GUCY1A1: variants seen among roughly 807,000 people sequenced by gnomAD.
GUCY1A1 encodes the protein guanylate cyclase 1 soluble subunit alpha 1.
GUCY1A1 carries 48 observed loss-of-function variants against 64.5 expected under a neutral mutation model. The observed-to-expected ratio is 0.74, with a 90% CI of 0.59 to 0.95. GUCY1A1 has a LOEUF of 0.95. Ranked by LOEUF, GUCY1A1 falls within the 40% of genes least tolerant of loss-of-function variation. The pLI is 0.00. For synonymous variants in GUCY1A1, 308 were observed against 303.4 expected (o/e 1.02, Z -0.16); for missense variants, 804 against 825.3 (o/e 0.97, Z 0.32).
intron 3 of GUCY1A1, among the ~76,000 whole-genome samples, chr4:155,703,239 A>G (rs1209770847): frequency 1.3e-5 from 2 of 152,200 alleles, no homozygotes; most frequent in African/African-American, 2.4e-5. Context: ...ATAAAAGAAA[A>G]TAAAACCATA....
intron 4 of GUCY1A1, among the ~76,000 whole-genome samples, chr4:155,704,720 T>C (rs1010700691): frequency 2.6e-5 from 4 of 152,090 alleles, no homozygotes; most frequent in Admixed American, 2.6e-4. Flanking sequence ...ACTTTTTATT[T>C]TTTATTTTTT....
Position 155,722,098 on chromosome 4 carries a change from C to T in GUCY1A1, c.1777C>T (p.Arg593Cys), listed in dbSNP as rs377038861. 71 of 1,613,470 alleles carry T rather than the reference C, an allele frequency of 4.4e-5. No homozygotes were observed. The highest frequency in any genetic ancestry group is 5.6e-5 in the Non-Finnish European group (66 of 1,179,692). Residue 593 changes from arginine (R) to cysteine (C), a missense_variant, in exon 9 of 10, where the codon CGT (arginine) becomes TGT (cysteine). Coordinates refer to ENST00000506455, the MANE Select transcript of GUCY1A1 (RefSeq NM_001130682.3). ...TGGCGTCGTTGGAGTTAAAATGCCCCGTTACTGTCTTTTTGGAAACAATGT... is the reference window on the plus strand; with the variant it reads ...TGGCGTCGTTGGAGTTAAAATGCCCTGTTACTGTCTTTTTGGAAACAATGT... ...FAGVVGVKMPRYCLFGNNVTL... is the reference protein window; with the variant it reads ...FAGVVGVKMPCYCLFGNNVTL...
At chr4:155,679,584 CT>C in intron 2 of GUCY1A1, among the ~76,000 whole-genome samples, 1 of 152,162 alleles carries the variant, frequency 6.6e-6, no homozygotes, top group African/African-American at 2.4e-5. Context: ...CAAGAACTCA[CT>C]GGCTATCGTG....
intron 5 of GUCY1A1, among the ~76,000 whole-genome samples, chr4:155,708,574 G>C (rs1425014291): frequency 6.6e-6 from 1 of 152,074 alleles, no homozygotes; most frequent in African/African-American, 2.4e-5. Context: ...CTAACTAACT[G>C]TTCCTCATTT....
chr4:155,699,749 G>A (rs569931147), intron 3 of GUCY1A1, among the ~76,000 whole-genome samples: 1 of 152,090 alleles, frequency 6.6e-6, no homozygotes, highest in South Asian at 2.1e-4. Flanking sequence ...CTGCTATTTA[G>A]TGTCAGTTGT....
At chr4:155,703,161 A>C (rs1731316374) in intron 3 of GUCY1A1, among the ~76,000 whole-genome samples, 1 of 152,146 alleles carries the variant, frequency 6.6e-6, no homozygotes. Context: ...ACATGTATTT[A>C]TTAAGTATAA....
intron 2 of GUCY1A1, among the ~76,000 whole-genome samples, chr4:155,688,213 G>C (rs1344453093): frequency 6.6e-6 from 1 of 151,658 alleles, no homozygotes; most frequent in Non-Finnish European, 1.5e-5. Context: ...GGGCGACAGA[G>C]CGAGACTCCT....
rs990831658 is a variant in GUCY1A1 at position 155,735,436 on chromosome 4, G to A, written c.*5205G>A. 6.6e-6 allele frequency: 1 copy of A among 151,834 alleles called. No homozygotes were observed. Among genetic ancestry groups the A allele is most frequent in the Non-Finnish European group, 1.5e-5 (1 of 67,896 alleles). 9.4% of individuals were successfully genotyped at this position (151,834 alleles called of 1,614,324 possible). On this transcript the variant is annotated 3_prime_UTR_variant, in exon 10 of 10. Transcript: ENST00000506455. ...TTAATATCTTGGATTTAAACATTGG[G>A]GTAGAAATCAGGACAAAATTTAAAT...
chr4:155,736,772 A>C lies in GUCY1A1; in HGVS notation c.*6541A>C, dbSNP rs1340896313. On this transcript the variant is annotated 3_prime_UTR_variant, in exon 10 of 10. Coordinates refer to ENST00000506455, the MANE Select transcript of GUCY1A1 (RefSeq NM_001130682.3). ...GTTTTTGGTAAATATGCATTGCTAT[A>C]GGTATACCAAGTTTTTTTTGTTATG... The C allele has an allele frequency of 2.0e-5, 3 of 151,944 alleles. No homozygotes were observed. Among genetic ancestry groups the C allele is most frequent in the South Asian group, 2.1e-4 (1 of 4,834 alleles). 9.4% of individuals were successfully genotyped at this position (151,944 alleles called of 1,614,324 possible). A position where few individuals can be genotyped will look rare whatever the true frequency, so the allele number is the denominator to read the frequency against.
Position 155,696,841 on chromosome 4 carries a change from C to A in GUCY1A1, c.-27C>A. ...GAACTACAGCTCATCAGGAGGAGAT[C>A]GCAGCAGGGTAAGAGACACCAACAC... On this transcript the variant is annotated 5_prime_UTR_variant, in exon 3 of 10. Coordinates refer to ENST00000506455, the MANE Select transcript of GUCY1A1 (RefSeq NM_001130682.3). The A allele has an allele frequency of 6.2e-7, 1 of 1,608,178 alleles. No individual in the cohort carries two copies. Among genetic ancestry groups the A allele is most frequent in the South Asian group, 1.1e-5 (1 of 90,804 alleles).
chr4:155,718,553 C>A (rs1223477482), intron 8 of GUCY1A1, among the ~76,000 whole-genome samples: 1 of 152,074 alleles, frequency 6.6e-6, no homozygotes, highest in African/African-American at 2.4e-5. Context: ...GGTGAGGGTG[C>A]CTGGAATAGC....
rs184717592 is a variant in GUCY1A1 at position 155,693,058 on chromosome 4, C to T, written c.-112-3698C>T. ...TGGATGACAGAGTGAGACTCTGTCT[C>T]CAACAAAAAAAAAAAAAGTTCATGC... On this transcript the variant is annotated intron_variant, in intron 2 of 9. Transcript: ENST00000506455. Among the ~76,000 whole-genome samples, 20 of 150,526 alleles carry T rather than the reference C, an allele frequency of 1.3e-4. No homozygotes were observed. In the East Asian group the frequency reaches 3.7e-3, roughly 28 times the overall value.
chr4:155,689,234 A>G (rs1048086620), intron 2 of GUCY1A1, among the ~76,000 whole-genome samples: 5 of 152,054 alleles, frequency 3.3e-5, no homozygotes, highest in African/African-American at 7.2e-5. Flanking sequence ...AATCATTACT[A>G]TATTTTCAGT....
chr4:155,734,884 C>A lies in GUCY1A1; in HGVS notation c.*4653C>A, dbSNP rs1292338429. ...TTCAAGACCTGGGAAATATTTGTAT[C>A]CTTTAGTGAAAAGGGGAAGAATCAA... On this transcript the variant is annotated 3_prime_UTR_variant, in exon 10 of 10. Coordinates refer to ENST00000506455, the MANE Select transcript of GUCY1A1 (RefSeq NM_001130682.3). 2 of 151,904 alleles carry A rather than the reference C, an allele frequency of 1.3e-5. No individual in the cohort carries two copies. The highest frequency in any genetic ancestry group is 2.9e-5 in the Non-Finnish European group (2 of 67,930). The allele number at this position is 151,904 out of a possible 1,614,324, so 9.4% of individuals were successfully genotyped here.
At chr4:155,703,825 T>C (rs1731395905) in intron 3 of GUCY1A1, 107 bp from the exon 4 acceptor site, 1 of 702,644 alleles carries the variant, frequency 1.4e-6, no homozygotes, top group African/African-American at 1.8e-5. Context: ...AATTGTATAA[T>C]GTGCTTTATT....
intron 2 of GUCY1A1, among the ~76,000 whole-genome samples, chr4:155,692,949 C>T (rs1415687130): frequency 6.6e-6 from 1 of 152,058 alleles, no homozygotes; most frequent in African/African-American, 2.4e-5. Context: ...ATCCCAGCTA[C>T]TTGGGAGGCT....
At chr4:155,697,859 A>G (rs1579054758) in intron 3 of GUCY1A1, among the ~76,000 whole-genome samples, 1 of 152,312 alleles carries the variant, frequency 6.6e-6, no homozygotes, top group East Asian at 1.9e-4. Flanking sequence ...AGACCTAAAT[A>G]AATAGAAGAG....
intron 2 of GUCY1A1, among the ~76,000 whole-genome samples, chr4:155,675,615 C>T (rs1232047930): frequency 6.6e-6 from 1 of 151,572 alleles, no homozygotes; most frequent in Non-Finnish European, 1.5e-5. Flanking sequence ...CAATTTAATA[C>T]ACCGCAGCAT....
intron 2 of GUCY1A1, among the ~76,000 whole-genome samples, chr4:155,691,522 AGTT>A (rs1729731458): frequency 2.0e-5 from 3 of 152,302 alleles, no homozygotes; most frequent in African/African-American, 7.2e-5. Flanking sequence ...TTATGAAAAT[AGTT>A]GTTACAATTT....
Sources: gnomAD v4.1 joint callset for allele counts (sites outside exome capture counted in the v4.1 genomes callset) on GRCh38, gnomAD v4.1.1 for gene constraint, MANE v1.5 for transcripts, NCBI Gene and HGNC (gene_info 2026-07-23, HGNC 2026-07-21) for gene names.